RYR1: variants seen among roughly 807,000 people sequenced by gnomAD.
The protein encoded by RYR1 is central core disease of muscle.
In RYR1, 342 loss-of-function variants were observed where a neutral mutation model predicts 583.5. The ratio of observed to expected loss-of-function variants is 0.59; its 90% CI spans 0.54 to 0.64. The LOEUF is 0.64. Ranked by LOEUF, RYR1 falls within the 30% of genes least tolerant of loss-of-function variation. The pLI, the probability that RYR1 is intolerant of heterozygous loss-of-function variation, is 0.00. For missense variants in RYR1, 6,032 were observed against 6,917.2 expected, an observed-to-expected ratio of 0.87 and a Z score of 4.54; for synonymous variants, 2,791 against 2,822.5, an observed-to-expected ratio of 0.99 and a Z score of 0.35.
chr19:38,586,002 G>T lies in RYR1; in HGVS notation c.14868G>T (p.Glu4956Asp). 6.2e-7 allele frequency: 1 copy of T among 1,614,144 alleles called. No individual in the cohort carries two copies. Among genetic ancestry groups the T allele is most frequent in the Non-Finnish European group, 8.5e-7 (1 of 1,180,022 alleles). The change falls in exon 103 of 106, where the codon GAG (glutamate) becomes GAT (aspartate). Residue 4956 changes from glutamate (E) to aspartate (D), a missense_variant and splice_region_variant. Physicochemically the swap from Glu to Asp is conservative, Grantham distance 45. Transcript: ENST00000359596. ...AAGAGCAAGTGAAGGAGGATATGGA[G>T]GTAGGTCATGTCTGGGGGTGACCCA... ...DQQEQVKEDM[E>D]TKCFICGIGS...
chr19:38,452,000 A>T, intron 12 of RYR1, 115 bp downstream of exon 12: 1 of 1,451,662 alleles, frequency 6.9e-7, no homozygotes. Context: ...TGTCTAACAT[A>T]TACATGGGCC....
intron 67 of RYR1, among the ~76,000 whole-genome samples, chr19:38,522,252 A>T (rs1971257593): frequency 6.6e-6 from 1 of 152,146 alleles, no homozygotes; most frequent in African/African-American, 2.4e-5. Flanking sequence ...TATGTATTGC[A>T]TGCATGTATT....
intron 53 of RYR1, 27 bp downstream of exon 53, chr19:38,505,425 G>A: frequency 6.5e-7 from 1 of 1,534,184 alleles, no homozygotes; most frequent in Non-Finnish European, 9.0e-7. Flanking sequence ...GCCCAGCATT[G>A]AGGGTCAAAA....
rs144747878 is a variant in RYR1, at chr19:38,478,487, G to C, written c.4507G>C (p.Gly1503Arg). 11 of 1,614,092 alleles carry C rather than the reference G, an allele frequency of 6.8e-6. No individual in the cohort carries two copies. Among genetic ancestry groups the C allele is most frequent in the Non-Finnish European group, 9.3e-6 (11 of 1,180,038 alleles). ...MVWGGDFVSP[G>R]QQGRISHTDL... ...GTGGGGCGGAGACTTTGTGAGTCCC[G>C]GGCAGCAGGGCCGGATCAGCCACAC... The change falls in exon 31 of 106, where the codon GGG becomes CGG. Residue 1503 changes from glycine (G) to arginine (R), a missense_variant. Physicochemically the swap from Gly to Arg is moderately radical, Grantham distance 125. Around this residue, in one of 11 missense-constraint regions of RYR1, gnomAD observed 2,627 missense variants for 2,961.3 expected, o/e 0.89. Coordinates refer to ENST00000359596, the MANE Select transcript of RYR1 (RefSeq NM_000540.3).
At chr19:38,443,817 G>T (rs1305743371) in intron 5 of RYR1, 21 bp downstream of exon 5, 1 of 1,613,506 alleles carries the variant, frequency 6.2e-7, no homozygotes, top group Non-Finnish European at 8.5e-7. Context: ...TGGAGGGGAT[G>T]GGGGTGTGAA....
chr19:38,536,538 C>T (rs1568551082), intron 82 of RYR1, among the ~76,000 whole-genome samples: 1 of 151,328 alleles, frequency 6.6e-6, no homozygotes, highest in Non-Finnish European at 1.5e-5. Flanking sequence ...ATTCCCTCTG[C>T]TTTTACCCTC....
intron 11 of RYR1, 114 bp from the exon 12 acceptor site, chr19:38,451,650 T>C: frequency 8.0e-7 from 1 of 1,249,646 alleles, no homozygotes; most frequent in Non-Finnish European, 1.2e-6. Context: ...TGCAGTGAGA[T>C]TCTGCAGAGC....
intron 34 of RYR1, 107 bp from the exon 35 acceptor site, chr19:38,489,070 C>T: frequency 1.0e-6 from 1 of 981,580 alleles, no homozygotes; most frequent in Non-Finnish European, 1.6e-6. Context: ...TCAGCCAATG[C>T]AGGAATGATT....
chr19:38,490,430 C>T (rs972607981), intron 36 of RYR1, among the ~76,000 whole-genome samples, 154 bp downstream of exon 36: 1 of 152,226 alleles, frequency 6.6e-6, no homozygotes, highest in African/African-American at 2.4e-5. Context: ...ATCAACCTGA[C>T]CTCTGAGTCA....
At chr19:38,556,122 C>T (rs1018614554) in intron 89 of RYR1, among the ~76,000 whole-genome samples, 4 of 152,022 alleles carry the variant, frequency 2.6e-5, no homozygotes, top group Admixed American at 6.6e-5. Context: ...CCTCACCCTC[C>T]GAAAGTGCTG....
chr19:38,453,022 C>A lies in RYR1; in HGVS notation c.1440+8C>A. Reference sequence around the variant, plus strand: ...AGCCTCTTCCAGGAGGAGGTGAGGACGTGGCGAGGGCGGAGCGGGGCCTGT... The same window carrying A: ...AGCCTCTTCCAGGAGGAGGTGAGGAAGTGGCGAGGGCGGAGCGGGGCCTGT... On this transcript the variant is annotated splice_region_variant and intron_variant, in intron 13 of 105. Coordinates refer to ENST00000359596, the MANE Select transcript of RYR1 (RefSeq NM_000540.3). 6.4e-7 allele frequency: 1 copy of A among 1,574,392 alleles called. No homozygotes were observed. The highest frequency in any genetic ancestry group is 2.4e-5 in the East Asian group (1 of 42,398).
At chr19:38,458,613 TGTTTGTTTGTTTG>T (rs1967555598) in intron 18 of RYR1, among the ~76,000 whole-genome samples, 1 of 146,728 alleles carries the variant, frequency 6.8e-6, no homozygotes, top group Non-Finnish European at 1.5e-5. Context: ...TTATTTATTT[TGTTTGTTTGTTTG>T]TTTGTTTGTT....
chr19:38,570,817 TAGG>T (rs1639351296), intron 94 of RYR1, 124 bp downstream of exon 94: 1 of 857,924 alleles, frequency 1.2e-6, no homozygotes, highest in African/African-American at 1.7e-5. Context: ...TTTGGGTCGT[TAGG>T]AGGGTTCAGG....
intron 67 of RYR1, among the ~76,000 whole-genome samples, chr19:38,521,151 GAC>G: frequency 6.6e-6 from 1 of 152,092 alleles, no homozygotes; most frequent in East Asian, 1.9e-4. Flanking sequence ...CAGGCATGGT[GAC>G]ACACACCTGT....
At chr19:38,527,577 G>C in intron 72 of RYR1, 70 bp from the exon 73 acceptor site, 1 of 1,600,860 alleles carries the variant, frequency 6.2e-7, no homozygotes, top group Middle Eastern at 1.7e-4. Context: ...CCCAAAAACG[G>C]AAAGGGGACA....
At chr19:38,586,677 G>A (rs1974505672) in intron 105 of RYR1, 101 bp downstream of exon 105, 1 of 1,196,738 alleles carries the variant, frequency 8.4e-7, no homozygotes, top group Non-Finnish European at 1.2e-6. Context: ...AATATCAAGG[G>A]TTAGGGCTGG....
Position 38,499,521 on chromosome 19 carries a change from G to A in RYR1, c.7028-114G>A. On this transcript the variant is annotated intron_variant, in intron 43 of 105. Transcript: ENST00000359596. This position sits in a 1 kb window ranked among gnomAD's most constrained non-coding sequence, Gnocchi z 7.3. ...CTGGTGTTACCTCTGGAGGTGTTGG[G>A]TCCTGGAGCTGGATGGGACCTGTGT... 1 of 1,269,762 alleles carries A rather than the reference G, an allele frequency of 7.9e-7. No homozygotes were observed. The highest frequency in any genetic ancestry group is 1.3e-5 in the South Asian group (1 of 78,306). 78.7% of individuals were successfully genotyped at this position (1,269,762 alleles called of 1,614,324 possible).
At chr19:38,441,370 A>T (rs1972674269) in intron 2 of RYR1, among the ~76,000 whole-genome samples, 1 of 124,036 alleles carries the variant, frequency 8.1e-6, no homozygotes, top group Non-Finnish European at 1.6e-5. Flanking sequence ...CTGAATTATT[A>T]TGGGGTGTTT....
In RYR1 at chr19:38,483,300, C is replaced by T. The variant is rs774364705; in HGVS notation, c.4718C>T (p.Pro1573Leu). 2.6e-6 allele frequency: 4 copies of T among 1,559,064 alleles called. No homozygotes were observed. Among genetic ancestry groups the T allele is most frequent in the Admixed American group, 1.9e-5 (1 of 51,522 alleles). Residue 1573 changes from proline to leucine, a missense_variant, in exon 33 of 106, where the codon CCG becomes CTG. Physicochemically the swap from Pro to Leu is moderately conservative, Grantham distance 98. Transcript: ENST00000359596. The surrounding 1 kb of genome is among the most constrained non-coding windows in gnomAD (Gnocchi z 6.3). Reference protein sequence around the residue: ...FELGKQKNIMPLSAAMFQSER... With the variant: ...FELGKQKNIMLLSAAMFQSER... ...TCTCTCTGCCCTCAGAACATCATGC[C>T]GTTGTCAGCCGCCATGTTCCAAAGC...
Sources: gnomAD v4.1 joint callset for allele counts (sites outside exome capture counted in the v4.1 genomes callset) on GRCh38, gnomAD v4.1.1 for gene constraint, gnomAD v4.1.1 regional missense constraint, Gnocchi (gnomAD v3.1) non-coding constraint, MANE v1.5 for transcripts, NCBI Gene and HGNC (gene_info 2026-07-23, HGNC 2026-07-21) for gene names.